The following HTR7 variants were observed in gnomAD, a reference collection of about 807,000 sequenced individuals.
The protein encoded by HTR7 is 5-HT-7.
HTR7 carries 16 observed loss-of-function variants against 34.0 expected under a neutral mutation model. The observed-to-expected ratio is 0.47, with a 90% CI of 0.32 to 0.71. The LOEUF (loss-of-function observed/expected upper bound fraction) is 0.71. HTR7 is among the 30% of genes least tolerant of loss of function. The pLI is 0.04. For synonymous variants in HTR7, 265 were observed against 260.2 expected (o/e 1.02, Z -0.18); for missense variants, 504 against 625.5 (o/e 0.81, Z 2.07).
intron 1 of HTR7, among the ~76,000 whole-genome samples, chr10:90,819,702 C>T (rs1473650588): frequency 2.6e-5 from 4 of 152,034 alleles, no homozygotes; most frequent in African/African-American, 4.8e-5. Context: ...AGAACAAAAC[C>T]TTGCAATAAG....
chr10:90,807,808 T>C (rs1379854656), intron 1 of HTR7, among the ~76,000 whole-genome samples: 3 of 112,592 alleles, frequency 2.7e-5, no homozygotes, highest in Non-Finnish European at 6.7e-5. Flanking sequence ...TGTTCTTTGC[T>C]CCGTGAAAAA....
At chr10:90,802,622 G>C (rs771104288) in intron 1 of HTR7, among the ~76,000 whole-genome samples, 1 of 152,198 alleles carries the variant, frequency 6.6e-6, no homozygotes, top group Non-Finnish European at 1.5e-5. Flanking sequence ...AAAAGAATCC[G>C]TAATAGCGTT....
chr10:90,845,219 G>A (rs969851991), intron 1 of HTR7, among the ~76,000 whole-genome samples: 7 of 152,170 alleles, frequency 4.6e-5, no homozygotes, highest in East Asian at 1.9e-4. Flanking sequence ...AACAAGGTGC[G>A]GAAGTAAGAG....
chr10:90,743,255 C>A (rs1844582350), intron 3 of HTR7, among the ~76,000 whole-genome samples: 1 of 152,184 alleles, frequency 6.6e-6, no homozygotes, highest in Non-Finnish European at 1.5e-5. Flanking sequence ...TCTTTGAGGT[C>A]CCCCTCTCAG....
intron 2 of HTR7, among the ~76,000 whole-genome samples, chr10:90,747,798 C>A (rs1315452041): frequency 6.6e-6 from 1 of 152,192 alleles, no homozygotes; most frequent in Non-Finnish European, 1.5e-5. Flanking sequence ...CTAATCTGCT[C>A]ATTCTCTCAC....
intron 1 of HTR7, among the ~76,000 whole-genome samples, chr10:90,768,261 C>T (rs1278261588): frequency 1.3e-5 from 2 of 152,214 alleles, no homozygotes; most frequent in African/African-American, 2.4e-5. Flanking sequence ...ATTGCAATAG[C>T]CTCTAAATTG....
chr10:90,787,394 A>G (rs1487734432), intron 1 of HTR7, among the ~76,000 whole-genome samples: 1 of 152,190 alleles, frequency 6.6e-6, no homozygotes, highest in Admixed American at 6.5e-5. Flanking sequence ...AGACAGAGAC[A>G]GGAGAATCAC....
rs1844693484 is a variant in HTR7, at chr10:90,749,263, C to T, written c.871G>A (p.Gly291Ser). Residue 291 changes from glycine (G) to serine (S), a missense_variant, in exon 2 of 4, where the codon GGC (glycine) becomes AGC (serine). Physicochemically the swap from Gly to Ser is moderately conservative, Grantham distance 56. This residue lies in a region of HTR7 where 57 missense variants were observed against 47.5 expected (regional missense o/e 1.20). Coordinates refer to ENST00000336152, the MANE Select transcript of HTR7 (RefSeq NM_019859.4). This position sits in a 1 kb window ranked among gnomAD's most constrained non-coding sequence, Gnocchi z 4.2. Reference protein sequence around the residue: ...VEPDSVIALNGIVKLQKEVEE... With the variant: ...VEPDSVIALNSIVKLQKEVEE... ...ACCTCCTTCTGGAGCTTCACTATGC[C>T]ATTCAGGGCGATGACGCTGTCTGGC... 6.2e-7 allele frequency: 1 copy of T among 1,614,100 alleles called. No individual in the cohort carries two copies. Among genetic ancestry groups the T allele is most frequent in the Non-Finnish European group, 8.5e-7 (1 of 1,180,006 alleles).
At chr10:90,806,258 T>A (rs1251413115) in intron 1 of HTR7, among the ~76,000 whole-genome samples, 2 of 152,188 alleles carry the variant, frequency 1.3e-5, no homozygotes, top group Non-Finnish European at 2.9e-5. Context: ...TGAGGAACCC[T>A]TGACGGGGTC....
At chr10:90,824,391 T>C (rs1263709971) in intron 1 of HTR7, among the ~76,000 whole-genome samples, 1 of 152,250 alleles carries the variant, frequency 6.6e-6, no homozygotes, top group East Asian at 1.9e-4. Flanking sequence ...GTACACACTG[T>C]GAGCCTTGGA....
chr10:90,741,972 T>C lies in HTR7; in HGVS notation c.*510A>G, dbSNP rs1330642314. Reference sequence around the variant, plus strand: ...AAACAAACACTGCTCTGGGAAATCATTTGTATTAGCTGATGACTGGATTCT... The same window carrying C: ...AAACAAACACTGCTCTGGGAAATCACTTGTATTAGCTGATGACTGGATTCT... On this transcript the variant is annotated 3_prime_UTR_variant, in exon 4 of 4. Coordinates refer to ENST00000336152, the MANE Select transcript of HTR7 (RefSeq NM_019859.4). 1 of 152,736 alleles carries C rather than the reference T, an allele frequency of 6.5e-6. No homozygotes were observed. The highest frequency in any genetic ancestry group is 1.5e-5 in the Non-Finnish European group (1 of 68,118). The allele number at this position is 152,736 out of a possible 1,614,324, so 9.5% of individuals were successfully genotyped here.
chr10:90,812,648 C>T (rs1845831851), intron 1 of HTR7, among the ~76,000 whole-genome samples: 1 of 152,196 alleles, frequency 6.6e-6, no homozygotes. Context: ...TCAGCTTAAT[C>T]TCTCCCACTC....
At chr10:90,810,677 C>G (rs1279065834) in intron 1 of HTR7, among the ~76,000 whole-genome samples, 2 of 152,290 alleles carry the variant, frequency 1.3e-5, no homozygotes, top group South Asian at 4.2e-4. Flanking sequence ...AGATCTCAAA[C>G]ACGCTTTCTT....
At chr10:90,856,154 C>A (rs561131741) in intron 1 of HTR7, among the ~76,000 whole-genome samples, 1 of 151,972 alleles carries the variant, frequency 6.6e-6, no homozygotes, top group South Asian at 2.1e-4. Context: ...GCAACCATTT[C>A]TCTGTATCAT....
chr10:90,832,507 C>T (rs1846194514), intron 1 of HTR7, among the ~76,000 whole-genome samples: 1 of 152,200 alleles, frequency 6.6e-6, no homozygotes, highest in African/African-American at 2.4e-5. Context: ...CCCGGAACTC[C>T]AGCTGGCCCT....
intron 1 of HTR7, among the ~76,000 whole-genome samples, chr10:90,848,316 C>G (rs906252146): frequency 6.6e-6 from 1 of 152,160 alleles, no homozygotes; most frequent in African/African-American, 2.4e-5. Flanking sequence ...CCCGCCTCAG[C>G]CTTCCAAAGT....
chr10:90,839,797 T>C (rs1047204620), intron 1 of HTR7, among the ~76,000 whole-genome samples: 20 of 151,974 alleles, frequency 1.3e-4, no homozygotes, highest in African/African-American at 4.6e-4. Flanking sequence ...TTGACAGAAG[T>C]GCTAATAAAA....
At chr10:90,808,307 C>A (rs576709933) in intron 1 of HTR7, among the ~76,000 whole-genome samples, 1 of 152,024 alleles carries the variant, frequency 6.6e-6, no homozygotes, top group East Asian at 1.9e-4. Flanking sequence ...CAGCAAGTCC[C>A]GCTTTTCTAG....
chr10:90,806,749 G>A (rs1318847850), intron 1 of HTR7, among the ~76,000 whole-genome samples: 2 of 152,194 alleles, frequency 1.3e-5, no homozygotes, highest in African/African-American at 4.8e-5. Flanking sequence ...TAAGGAAAAA[G>A]AGAAACATTC....
Sources: gnomAD v4.1 joint callset for allele counts (sites outside exome capture counted in the v4.1 genomes callset) on GRCh38, gnomAD v4.1.1 for gene constraint, gnomAD v4.1.1 regional missense constraint, Gnocchi (gnomAD v3.1) non-coding constraint, MANE v1.5 for transcripts, NCBI Gene and HGNC (gene_info 2026-07-23, HGNC 2026-07-21) for gene names.